The following DOCK1 variants were observed in gnomAD, a reference collection of about 807,000 sequenced individuals.
DOCK1 encodes the protein dedicator of cytokinesis protein 1.
DOCK1 carries 138 observed loss-of-function variants against 262.7 expected under a neutral mutation model. The observed-to-expected ratio is 0.53, with a 90% CI of 0.46 to 0.61. The LOEUF is 0.61. Ranked by LOEUF, DOCK1 falls within the 20% of genes least tolerant of loss-of-function variation. The pLI is 0.00. For missense variants in DOCK1, 1,908 were observed against 2,370.7 expected, an observed-to-expected ratio of 0.80 and a Z score of 4.05; for synonymous variants, 866 against 867.4, an observed-to-expected ratio of 1.00 and a Z score of 0.03.
chr10:126,922,211 A>AG (rs1448877749), intron 1 of DOCK1, among the ~76,000 whole-genome samples: 1 of 67,764 alleles, frequency 1.5e-5, no homozygotes. Flanking sequence ...CCCTGTATCA[A>AG]AAAAAAAAAA....
chr10:127,235,683 A>G (rs1173794347), intron 27 of DOCK1, among the ~76,000 whole-genome samples: 2 of 152,174 alleles, frequency 1.3e-5, no homozygotes, highest in East Asian at 1.9e-4. Context: ...TGAGTATATT[A>G]TCAGCTGTAT....
intron 29 of DOCK1, among the ~76,000 whole-genome samples, chr10:127,305,658 A>G (rs1414813927): frequency 6.6e-6 from 1 of 152,184 alleles, no homozygotes; most frequent in Non-Finnish European, 1.5e-5. Context: ...AAGCCTCAAC[A>G]CAGATCCTCA....
intron 29 of DOCK1, among the ~76,000 whole-genome samples, chr10:127,309,198 CT>C (rs142689552): frequency 4.0e-4 from 60 of 149,906 alleles, no homozygotes; most frequent in East Asian, 2.0e-3. Flanking sequence ...TGATGTTGAG[CT>C]TTTTTTTTTC....
At chr10:127,386,305 C>T (rs1478152087) in intron 38 of DOCK1, among the ~76,000 whole-genome samples, 1 of 152,184 alleles carries the variant, frequency 6.6e-6, no homozygotes, top group Non-Finnish European at 1.5e-5. Flanking sequence ...TACACCCAGT[C>T]CTGTAGTTTA....
intron 29 of DOCK1, among the ~76,000 whole-genome samples, chr10:127,261,091 CTGTG>C (rs148752019): frequency 0.083 from 8,743 of 104,866 alleles, 366 homozygotes; most frequent in East Asian, 0.1. Flanking sequence ...CTGTGCTCAT[CTGTG>C]TGTGTACCTG....
intron 29 of DOCK1, among the ~76,000 whole-genome samples, chr10:127,269,765 G>A (rs79024398): frequency 0.06 from 9,065 of 152,248 alleles, 347 homozygotes; most frequent in Non-Finnish European, 0.089. Context: ...GGCCCCCTGT[G>A]TGAGTAGCAG....
At position 127,087,163 on chromosome 10, in the gene DOCK1, G is replaced by A. The variant is rs76138298; in HGVS notation, c.2446-19068G>A. 6.2e-3 allele frequency among the ~76,000 whole-genome samples: 947 copies of A among 152,194 alleles called. 32 individuals are homozygous for A. The East Asian group carries it at 0.11, about 17-fold the overall frequency. Reference sequence around the variant, plus strand: ...CCAGGTTTATTAAATATCTAAGTGGGCATTTTTCTAAACGAGTGACTTTCT... The same window carrying A: ...CCAGGTTTATTAAATATCTAAGTGGACATTTTTCTAAACGAGTGACTTTCT... On this transcript the variant is annotated intron_variant, in intron 23 of 51. Transcript: ENST00000623213.
chr10:127,261,447 A>G (rs1195892427), intron 29 of DOCK1, among the ~76,000 whole-genome samples: 1 of 117,538 alleles, frequency 8.5e-6, no homozygotes, highest in Non-Finnish European at 1.7e-5. Flanking sequence ...GTGTACCTGC[A>G]TGTGTGTGCG....
intron 23 of DOCK1, among the ~76,000 whole-genome samples, chr10:127,097,806 G>C (rs369346798): frequency 1.1e-4 from 16 of 152,228 alleles, no homozygotes; most frequent in East Asian, 5.8e-4. Context: ...AACAGGCGAA[G>C]AGTAAAGAAA....
intron 16 of DOCK1, among the ~76,000 whole-genome samples, chr10:127,027,847 C>T (rs367897030): frequency 5.9e-5 from 9 of 152,126 alleles, no homozygotes; most frequent in South Asian, 2.1e-4. Context: ...TGCACGAGCA[C>T]GGTCATGATG....
chr10:126,936,301 T>C (rs2034554671), intron 1 of DOCK1, among the ~76,000 whole-genome samples: 1 of 152,180 alleles, frequency 6.6e-6, no homozygotes, highest in East Asian at 1.9e-4. Context: ...CTTTTTGTGT[T>C]AAAAGGCCAG....
At chr10:127,212,201 C>T (rs760337363) in intron 27 of DOCK1, among the ~76,000 whole-genome samples, 2 of 152,018 alleles carry the variant, frequency 1.3e-5, no homozygotes, top group Non-Finnish European at 2.9e-5. Flanking sequence ...GTTTACAAGG[C>T]GGCTTTCCGT....
intron 12 of DOCK1, among the ~76,000 whole-genome samples, chr10:127,014,627 T>A: frequency 6.6e-6 from 1 of 152,208 alleles, no homozygotes; most frequent in East Asian, 1.9e-4. Flanking sequence ...CTGTAAGATA[T>A]ATTTTGTGGA....
At chr10:127,352,632 G>T (rs539923121) in intron 31 of DOCK1, among the ~76,000 whole-genome samples, 1 of 151,936 alleles carries the variant, frequency 6.6e-6, no homozygotes, top group Non-Finnish European at 1.5e-5. Flanking sequence ...TTTCTCTGTC[G>T]CCCAGGCTGG....
chr10:127,279,739 A>G (rs563134433), intron 29 of DOCK1, among the ~76,000 whole-genome samples: 8 of 152,242 alleles, frequency 5.3e-5, no homozygotes, highest in South Asian at 2.1e-4. Context: ...CCTGGGCTGC[A>G]GCTCTGTTGG....
chr10:127,087,949 G>A (rs1373912882), intron 23 of DOCK1, among the ~76,000 whole-genome samples: 4 of 152,024 alleles, frequency 2.6e-5, no homozygotes, highest in African/African-American at 9.7e-5. Context: ...TCTGATGATC[G>A]TCTCAATTCA....
In DOCK1 at chr10:126,999,474, A is replaced by C. The variant is rs60599298; in HGVS notation, c.849+39A>C. ...AAGATGCTTAGTTGAATTGGCTACCATTCTAAGGACTACTTTTAGCCATTT... is the reference window on the plus strand; with the variant it reads ...AAGATGCTTAGTTGAATTGGCTACCCTTCTAAGGACTACTTTTAGCCATTT... On this transcript the variant is annotated intron_variant, in intron 9 of 51. Transcript: ENST00000623213. 3.5e-5 allele frequency: 55 copies of C among 1,565,350 alleles called. No individual in the cohort carries two copies. The African/African-American group carries it at 7.2e-4, about 20-fold the overall frequency.
intron 22 of DOCK1, among the ~76,000 whole-genome samples, chr10:127,055,063 A>AT (rs917722950): frequency 6.6e-4 from 99 of 150,662 alleles, no homozygotes; most frequent in South Asian, 2.3e-3. Context: ...ATGGTCCATA[A>AT]TTTTTTTTTT....
intron 23 of DOCK1, among the ~76,000 whole-genome samples, chr10:127,070,228 G>C (rs2046137290): frequency 6.7e-6 from 1 of 149,942 alleles, no homozygotes; most frequent in African/African-American, 2.5e-5. Flanking sequence ...CAGGTCCCAA[G>C]GGTTGGAACT....
Sources: gnomAD v4.1 joint callset for allele counts (sites outside exome capture counted in the v4.1 genomes callset) on GRCh38, gnomAD v4.1.1 for gene constraint, MANE v1.5 for transcripts, NCBI Gene and HGNC (gene_info 2026-07-23, HGNC 2026-07-21) for gene names.